Variants in ZNF385D observed in about 807,000 individuals in gnomAD.
ZNF385D encodes the protein zinc finger protein 659.
ZNF385D carries 15 observed loss-of-function variants against 35.8 expected under a neutral mutation model. The ratio of observed to expected loss-of-function variants is 0.42; its 90% confidence interval spans 0.28 to 0.64. The LOEUF is 0.64. ZNF385D is among the 30% of genes least tolerant of loss of function. The pLI is 0.23. For synonymous variants in ZNF385D, 212 were observed against 186.8 expected (o/e 1.13, Z -1.10); for missense variants, 474 against 494.6 (o/e 0.96, Z 0.39).
chr3:21,443,490 T>C (rs967441643), intron 4 of ZNF385D, among the ~76,000 whole-genome samples: 3 of 152,134 alleles, frequency 2.0e-5, no homozygotes, highest in African/African-American at 4.8e-5. Context: ...AAATGCAATA[T>C]AAGTTGTATA....
rs190961981 is a variant in ZNF385D, at chr3:22,235,229, C to T, written c.107-66194G>A. On this transcript the variant is annotated intron_variant, in intron 2 of 5. Transcript: ENST00000494108. ...TGTGCATTTCACATACTTTCAATATCCATGATGTGTCTTCTCAAAAAGAAT... is the reference window on the plus strand; with the variant it reads ...TGTGCATTTCACATACTTTCAATATTCATGATGTGTCTTCTCAAAAAGAAT... Among the ~76,000 whole-genome samples the T allele has an allele frequency of 6.1e-4, 93 of 152,168 alleles. No individual in the cohort carries two copies. The Middle Eastern group carries it at 0.01, about 17-fold the overall frequency.
At chr3:22,257,144 A>G (rs1207785328) in intron 2 of ZNF385D, among the ~76,000 whole-genome samples, 14 of 151,844 alleles carry the variant, frequency 9.2e-5, no homozygotes, top group Admixed American at 8.6e-4. Flanking sequence ...ATTTTTCAAT[A>G]ACAATATACA....
chr3:21,651,434 A>ATAG (rs2065910600), intron 2 of ZNF385D, among the ~76,000 whole-genome samples: 1 of 151,992 alleles, frequency 6.6e-6, no homozygotes, highest in African/African-American at 2.4e-5. Flanking sequence ...GATCTACCAT[A>ATAG]TAGTATGTCT....
At chr3:22,164,523 G>C (rs541371710) in intron 3 of ZNF385D, among the ~76,000 whole-genome samples, 61 of 151,618 alleles carry the variant, frequency 4.0e-4, no homozygotes, top group African/African-American at 1.5e-3. Context: ...CACCATACCC[G>C]GCCAAAAGGA....
chr3:21,714,105 A>C (rs1318155288), intron 1 of ZNF385D, among the ~76,000 whole-genome samples: 1 of 152,010 alleles, frequency 6.6e-6, no homozygotes, highest in Non-Finnish European at 1.5e-5. Context: ...ATCTGTGCCT[A>C]CTCCTGCCTT....
chr3:21,454,170 G>A (rs1220361694), intron 4 of ZNF385D, among the ~76,000 whole-genome samples: 1 of 152,018 alleles, frequency 6.6e-6, no homozygotes, highest in Non-Finnish European at 1.5e-5. Context: ...ACAAAGAGTA[G>A]ATTAGTGGTT....
intron 1 of ZNF385D, among the ~76,000 whole-genome samples, chr3:21,693,670 G>A (rs1019038812): frequency 2.0e-5 from 3 of 152,018 alleles, no homozygotes; most frequent in South Asian, 2.1e-4. Context: ...TATAACAGGT[G>A]TTAGAAATAC....
In ZNF385D at chr3:22,039,500, A is replaced by C. The variant is rs1212116640; in HGVS notation, c.325+129317T>G. Among the ~76,000 whole-genome samples, 4 of 151,974 alleles carry C rather than the reference A, an allele frequency of 2.6e-5. 1 individual carries two copies. The highest frequency in any genetic ancestry group is 5.9e-5 in the Non-Finnish European group (4 of 67,992). On this transcript the variant is annotated intron_variant, in intron 3 of 5. Transcript: ENST00000494108. ...CCAAATTTTTCATCATTCTCTCTTT[A>C]CTCAAAATGTAACCTAAATCCTAGT...
At chr3:21,681,015 T>C (rs1388467750) in intron 1 of ZNF385D, among the ~76,000 whole-genome samples, 2 of 152,098 alleles carry the variant, frequency 1.3e-5, no homozygotes, top group Admixed American at 1.3e-4. Flanking sequence ...ATTTTTAAAA[T>C]GTTGTCTTCC....
At chr3:21,921,809 C>G (rs1302700402) in intron 3 of ZNF385D, among the ~76,000 whole-genome samples, 1 of 149,400 alleles carries the variant, frequency 6.7e-6, no homozygotes, top group Non-Finnish European at 1.5e-5. Context: ...AAACCCTGAA[C>G]AGACCAGCAA....
intron 2 of ZNF385D, among the ~76,000 whole-genome samples, chr3:22,334,445 T>A (rs1183136478): frequency 6.6e-6 from 1 of 152,134 alleles, no homozygotes; most frequent in Non-Finnish European, 1.5e-5. Flanking sequence ...ATCCTAAAAT[T>A]TTATAGATTT....
Position 22,016,871 on chromosome 3 carries a change from T to C in ZNF385D, c.325+151946A>G, listed in dbSNP as rs201833680. ...AGTGGCAAATTGTAAAACGCTAAGATCTAATAAAAGTTTATTGAATTTATC... is the reference window on the plus strand; with the variant it reads ...AGTGGCAAATTGTAAAACGCTAAGACCTAATAAAAGTTTATTGAATTTATC... On this transcript the variant is annotated intron_variant, in intron 3 of 5. Coordinates refer to the ZNF385D transcript ENST00000494108. Among the ~76,000 whole-genome samples the C allele has an allele frequency of 3.9e-5, 6 of 152,040 alleles. No individual in the cohort carries two copies. The East Asian group carries it at 1.2e-3, about 29-fold the overall frequency.
At chr3:21,799,767 T>C (rs1056460657) in intron 3 of ZNF385D, among the ~76,000 whole-genome samples, 9 of 151,140 alleles carry the variant, frequency 6.0e-5, no homozygotes, top group Non-Finnish European at 1.3e-4. Flanking sequence ...TTGAAGTCCA[T>C]TTTATATATT....
intron 1 of ZNF385D, among the ~76,000 whole-genome samples, chr3:21,707,139 C>T (rs1048466202): frequency 6.6e-6 from 1 of 152,070 alleles, no homozygotes; most frequent in Non-Finnish European, 1.5e-5. Flanking sequence ...AAATGAATCA[C>T]ACTGCCAGGA....
At chr3:21,962,958 T>G (rs1401645550) in intron 3 of ZNF385D, among the ~76,000 whole-genome samples, 1 of 152,202 alleles carries the variant, frequency 6.6e-6, no homozygotes, top group Non-Finnish European at 1.5e-5. Flanking sequence ...ACCAAACACT[T>G]TCTCCAAGAT....
At chr3:22,220,964 T>C (rs923322520) in intron 2 of ZNF385D, among the ~76,000 whole-genome samples, 2 of 152,214 alleles carry the variant, frequency 1.3e-5, no homozygotes, top group South Asian at 2.1e-4. Flanking sequence ...CTGATTCTCA[T>C]ATGGAGAAAG....
chr3:21,634,337 A>AGAGAG (rs1167772659), intron 2 of ZNF385D, among the ~76,000 whole-genome samples: 1 of 150,696 alleles, frequency 6.6e-6, no homozygotes, highest in East Asian at 2.0e-4. Flanking sequence ...GAAGGAAGGG[A>AGAGAG]GAGAGGAAAG....
chr3:22,115,376 T>C (rs1017300542), intron 3 of ZNF385D, among the ~76,000 whole-genome samples: 2 of 152,118 alleles, frequency 1.3e-5, no homozygotes, highest in African/African-American at 2.4e-5. Context: ...ATGAAGTTTG[T>C]GCACAAGTAG....
intron 3 of ZNF385D, among the ~76,000 whole-genome samples, chr3:22,008,856 G>A (rs1173323866): frequency 6.6e-6 from 1 of 152,140 alleles, no homozygotes; most frequent in Non-Finnish European, 1.5e-5. Flanking sequence ...AGCATATGAA[G>A]AATTGTAAAT....
Sources: gnomAD v4.1 joint callset for allele counts (sites outside exome capture counted in the v4.1 genomes callset) on GRCh38, gnomAD v4.1.1 for gene constraint, MANE v1.5 for transcripts, NCBI Gene and HGNC (gene_info 2026-07-23, HGNC 2026-07-21) for gene names.